The following CAMK4 variants were observed in gnomAD, a reference collection of about 807,000 sequenced individuals.
CAMK4 encodes the protein calcium/calmodulin-dependent protein kinase type IV.
CAMK4 carries 22 observed loss-of-function variants against 44.9 expected under a neutral mutation model. The ratio of observed to expected loss-of-function variants is 0.49; its 90% CI spans 0.35 to 0.70. The LOEUF (loss-of-function observed/expected upper bound fraction) is 0.70. Ranked by LOEUF, CAMK4 falls within the 30% of genes least tolerant of loss-of-function variation. The probability of loss-of-function intolerance (pLI) is 0.01; values close to 1 mark genes in which losing one functional copy is unlikely to be tolerated. For missense variants in CAMK4, 498 were observed against 586.8 expected (o/e 0.85, Z 1.56); for synonymous variants, 218 against 215.4 (o/e 1.01, Z -0.11).
chr5:111,232,745 A>G (rs1436845761), intron 1 of CAMK4, among the ~76,000 whole-genome samples: 1 of 152,154 alleles, frequency 6.6e-6, no homozygotes, highest in Non-Finnish European at 1.5e-5. Context: ...GGGCTAGATA[A>G]GAGAAAACTG....
rs1201640313 is a variant in CAMK4 at position 111,488,727 on chromosome 5, A to C, written c.*4261A>C. 1 of 152,226 alleles carries C rather than the reference A, an allele frequency of 6.6e-6. No individual in the cohort carries two copies. The highest frequency in any genetic ancestry group is 2.4e-5 in the African/African-American group (1 of 41,468). 9.4% of individuals were successfully genotyped at this position (152,226 alleles called of 1,614,324 possible). On this transcript the variant is annotated 3_prime_UTR_variant, in exon 11 of 11. Transcript: ENST00000282356. ...TATTTTGTTTTAGAATTGTTTTTGCAAAGCAAATTTTTTTAAAAAAAGGTC... is the reference window on the plus strand; with the variant it reads ...TATTTTGTTTTAGAATTGTTTTTGCCAAGCAAATTTTTTTAAAAAAAGGTC...
In CAMK4 at chr5:111,432,940, A is replaced by G. The variant is rs377272758; in HGVS notation, c.460-13746A>G. 1.6e-4 allele frequency among the ~76,000 whole-genome samples: 24 copies of G among 152,208 alleles called. No homozygotes were observed. In the East Asian group the frequency reaches 3.7e-3, roughly 23 times the overall value. On this transcript the variant is annotated intron_variant, in intron 5 of 10. Coordinates refer to ENST00000282356, the MANE Select transcript of CAMK4 (RefSeq NM_001744.6). Reference sequence around the variant, plus strand: ...AATAAGACAAATCCTGCTTTCAAGGAGTGTATTTTTACTTTGATAGGCAAG... The same window carrying G: ...AATAAGACAAATCCTGCTTTCAAGGGGTGTATTTTTACTTTGATAGGCAAG...
intron 1 of CAMK4, among the ~76,000 whole-genome samples, chr5:111,274,125 T>C (rs1750659548): frequency 6.6e-6 from 1 of 152,068 alleles, no homozygotes; most frequent in Admixed American, 6.6e-5. Context: ...ACCTGTCTCC[T>C]TGACTGAGAA....
chr5:111,472,359 C>A (rs529246572), intron 7 of CAMK4, among the ~76,000 whole-genome samples: 2 of 152,182 alleles, frequency 1.3e-5, no homozygotes, highest in Non-Finnish European at 2.9e-5. Context: ...GAAGCTCCTT[C>A]TTCAAGTACG....
In CAMK4 at chr5:111,345,829, T is replaced by A. The variant is rs73232069; in HGVS notation, c.240+1727T>A. Among the ~76,000 whole-genome samples the A allele has an allele frequency of 1.6e-3, 245 of 152,072 alleles. 2 individuals carry two copies. Among genetic ancestry groups the A allele is most frequent in the African/African-American group, 5.5e-3 (229 of 41,532 alleles). On this transcript the variant is annotated intron_variant, in intron 2 of 10. Transcript: ENST00000282356. ...GTGCCGCTCTGGTTCGTCCTTACTGTCTTCTCGCTGTTGTGAAAACATCTC... is the reference window on the plus strand; with the variant it reads ...GTGCCGCTCTGGTTCGTCCTTACTGACTTCTCGCTGTTGTGAAAACATCTC...
intron 1 of CAMK4, among the ~76,000 whole-genome samples, chr5:111,329,379 G>A (rs1749053873): frequency 6.6e-6 from 1 of 151,858 alleles, no homozygotes; most frequent in Admixed American, 6.6e-5. Context: ...TCTGGCCAGG[G>A]CAATCAGGCT....
chr5:111,365,707 A>G (rs556287585), intron 2 of CAMK4, among the ~76,000 whole-genome samples: 86 of 152,216 alleles, frequency 5.6e-4, no homozygotes, highest in African/African-American at 2.0e-3. Context: ...ACATTTCTTC[A>G]TGGACCAAAA....
chr5:111,439,733 A>G (rs1753762402), intron 5 of CAMK4, among the ~76,000 whole-genome samples: 1 of 152,158 alleles, frequency 6.6e-6, no homozygotes, highest in Non-Finnish European at 1.5e-5. Flanking sequence ...TGTGGTTTGG[A>G]TGAGCTCACC....
At chr5:111,248,849 A>G (rs776428127) in intron 1 of CAMK4, among the ~76,000 whole-genome samples, 9 of 152,142 alleles carry the variant, frequency 5.9e-5, no homozygotes, top group Admixed American at 3.9e-4. Flanking sequence ...GGTTAGATCC[A>G]TTAGCCAGGA....
At chr5:111,332,377 A>G (rs367834208) in intron 1 of CAMK4, among the ~76,000 whole-genome samples, 20 of 150,918 alleles carry the variant, frequency 1.3e-4, no homozygotes, top group South Asian at 8.3e-4. Flanking sequence ...ATGATTTCCA[A>G]TTTCATCCAT....
At chr5:111,415,447 G>A (rs151015413) in intron 5 of CAMK4, among the ~76,000 whole-genome samples, 121 of 152,320 alleles carry the variant, frequency 7.9e-4, no homozygotes, top group Middle Eastern at 3.4e-3. Context: ...GAGCTGTGAA[G>A]TGCTTCCTTT....
chr5:111,468,991 A>G (rs1186100612), intron 7 of CAMK4, among the ~76,000 whole-genome samples: 1 of 150,916 alleles, frequency 6.6e-6, no homozygotes, highest in Non-Finnish European at 1.5e-5. Context: ...AACAACAACA[A>G]AAATTAGCTG....
At chr5:111,444,623 T>A (rs1233060351) in intron 5 of CAMK4, among the ~76,000 whole-genome samples, 1 of 152,156 alleles carries the variant, frequency 6.6e-6, no homozygotes, top group African/African-American at 2.4e-5. Context: ...CCACTCTTCT[T>A]TCCATTTTCA....
intron 1 of CAMK4, among the ~76,000 whole-genome samples, chr5:111,308,369 T>A (rs1012550444): frequency 6.6e-6 from 1 of 152,172 alleles, no homozygotes; most frequent in Admixed American, 6.5e-5. Context: ...GAAATCCAAA[T>A]ATATAAAACA....
intron 1 of CAMK4, among the ~76,000 whole-genome samples, chr5:111,332,250 T>TC (rs35861359): frequency 0.44 from 48,393 of 110,746 alleles, 10,795 homozygotes; most frequent in Middle Eastern, 0.62. Context: ...CCCACAACAG[T>TC]CCCGGAGTGT....
chr5:111,269,184 T>A (rs2112578031), intron 1 of CAMK4, among the ~76,000 whole-genome samples: 1 of 152,348 alleles, frequency 6.6e-6, no homozygotes, highest in Non-Finnish European at 1.5e-5. Flanking sequence ...AGGTACCTAC[T>A]GTTCTGTATG....
At chr5:111,458,878 GACA>G (rs1480803328) in intron 7 of CAMK4, among the ~76,000 whole-genome samples, 61 of 152,274 alleles carry the variant, frequency 4.0e-4, no homozygotes, top group African/African-American at 1.3e-3. Context: ...GGAATGCAGT[GACA>G]AGGGCAGAAA....
intron 5 of CAMK4, among the ~76,000 whole-genome samples, chr5:111,421,420 C>A (rs1013696738): frequency 1.3e-5 from 2 of 152,192 alleles, no homozygotes. Context: ...GTGCTAGTTT[C>A]ATTTGGGCAG....
intron 5 of CAMK4, among the ~76,000 whole-genome samples, chr5:111,442,167 G>T (rs1753846788): frequency 6.6e-6 from 1 of 152,120 alleles, no homozygotes; most frequent in South Asian, 2.1e-4. Flanking sequence ...CTGTTAGGGG[G>T]TTCTGTGATG....
Sources: gnomAD v4.1 joint callset for allele counts (sites outside exome capture counted in the v4.1 genomes callset) on GRCh38, gnomAD v4.1.1 for gene constraint, MANE v1.5 for transcripts, NCBI Gene and HGNC (gene_info 2026-07-23, HGNC 2026-07-21) for gene names.